Variants in SIL1 observed in about 807,000 individuals in gnomAD.
The protein encoded by SIL1 is nucleotide exchange factor SIL1.
A neutral mutation model predicts 49.1 loss-of-function variants in SIL1; 40 were observed. That is an observed-to-expected ratio of 0.81 (90% CI 0.63 to 1.06). SIL1 has a LOEUF of 1.06. Among genes scored for constraint, SIL1 ranks in the 50% least tolerant of loss-of-function variants. The pLI, the probability that SIL1 is intolerant of heterozygous loss-of-function variation, is 0.00. For missense variants in SIL1, 500 were observed against 572.6 expected, an observed-to-expected ratio of 0.87 and a Z score of 1.29; for synonymous variants, 253 against 250.8, an observed-to-expected ratio of 1.01 and a Z score of -0.08.
chr5:139,190,317 A>G (rs1193134335), intron 1 of SIL1, among the ~76,000 whole-genome samples: 2 of 152,238 alleles, frequency 1.3e-5, no homozygotes, highest in Non-Finnish European at 2.9e-5. Flanking sequence ...ACACGGAGGA[A>G]GGCTTCAAAT....
At chr5:139,019,660 G>A (rs1768473582) in intron 7 of SIL1, among the ~76,000 whole-genome samples, 2 of 152,270 alleles carry the variant, frequency 1.3e-5, no homozygotes, top group African/African-American at 2.4e-5. Flanking sequence ...CAGGCCCAAC[G>A]CATGTTTCTC....
intron 1 of SIL1, among the ~76,000 whole-genome samples, chr5:139,154,523 C>T (rs1189713083): frequency 3.3e-5 from 5 of 152,248 alleles, no homozygotes; most frequent in Non-Finnish European, 5.9e-5. Context: ...ATGCTGTGCA[C>T]GCTCTGTACA....
chr5:139,165,087 A>G (rs190359064), intron 1 of SIL1, among the ~76,000 whole-genome samples: 4 of 152,274 alleles, frequency 2.6e-5, no homozygotes, highest in African/African-American at 9.6e-5. Context: ...GAGATAATCA[A>G]CTAAGAGTCA....
chr5:139,169,861 C>CCCTCTTTTCACGGTCTCCCTCTG (rs1751704147), intron 1 of SIL1, among the ~76,000 whole-genome samples: 2 of 149,766 alleles, frequency 1.3e-5, no homozygotes, highest in Admixed American at 1.3e-4. Flanking sequence ...GTCTCCCTCT[C>CCCTCTTTTCACGGTCTCCCTCTG]CCTCTTTCCA....
chr5:139,109,439 C>A (rs1770794260), intron 3 of SIL1, among the ~76,000 whole-genome samples: 1 of 151,928 alleles, frequency 6.6e-6, no homozygotes, highest in Admixed American at 6.6e-5. Context: ...TGAATAATTT[C>A]CCCCTCTCAG....
At chr5:138,963,098 G>A (rs1361747331) in intron 7 of SIL1, among the ~76,000 whole-genome samples, 1 of 152,154 alleles carries the variant, frequency 6.6e-6, no homozygotes, top group Non-Finnish European at 1.5e-5. Flanking sequence ...TGTTATTTTA[G>A]GTCTTCTATA....
At chr5:139,122,177 C>A (rs1308490156) in intron 2 of SIL1, among the ~76,000 whole-genome samples, 1 of 152,144 alleles carries the variant, frequency 6.6e-6, no homozygotes, top group Admixed American at 6.5e-5. Context: ...TGGAATCTTC[C>A]TATGAGCCCA....
At chr5:139,042,485 A>C (rs1289946944) in intron 5 of SIL1, 135 bp downstream of exon 5, 2 of 816,904 alleles carry the variant, frequency 2.4e-6, no homozygotes, top group Non-Finnish European at 4.2e-6. Context: ...ATTTGTCATT[A>C]ATGTTCTTTA....
chr5:139,121,525 T>C (rs1026896767), intron 2 of SIL1, among the ~76,000 whole-genome samples: 22 of 152,230 alleles, frequency 1.4e-4, no homozygotes, highest in African/African-American at 5.3e-4. Flanking sequence ...CATGCTATTA[T>C]ACTGTTTGAT....
intron 7 of SIL1, among the ~76,000 whole-genome samples, chr5:139,005,203 TATC>T (rs1485696443): frequency 3.3e-5 from 5 of 151,946 alleles, no homozygotes; most frequent in African/African-American, 7.3e-5. Flanking sequence ...TATTTTGAAA[TATC>T]ATGTTTTACA....
chr5:139,010,029 G>A (rs1440728091), intron 7 of SIL1, among the ~76,000 whole-genome samples: 1 of 151,466 alleles, frequency 6.6e-6, no homozygotes, highest in South Asian at 2.1e-4. Context: ...GATTGGGGAA[G>A]TTCTCCTGGA....
At chr5:139,095,800 C>T (rs1379763479) in intron 3 of SIL1, among the ~76,000 whole-genome samples, 2 of 151,460 alleles carry the variant, frequency 1.3e-5, no homozygotes, top group Non-Finnish European at 2.9e-5. Context: ...TGCACTCCAG[C>T]TGGAGCAACA....
intron 1 of SIL1, among the ~76,000 whole-genome samples, chr5:139,160,004 T>C (rs1243881219): frequency 1.3e-5 from 2 of 152,102 alleles, no homozygotes; most frequent in Non-Finnish European, 2.9e-5. Flanking sequence ...GCCATTACCA[T>C]CCCTGAAGGT....
chr5:139,094,586 T>C (rs974156398), intron 3 of SIL1, among the ~76,000 whole-genome samples: 7 of 152,234 alleles, frequency 4.6e-5, no homozygotes, highest in Non-Finnish European at 8.8e-5. Context: ...TTGTTTTTGG[T>C]ATTATTTTGG....
chr5:139,089,756 T>A (rs1770302360), intron 3 of SIL1, among the ~76,000 whole-genome samples: 1 of 152,136 alleles, frequency 6.6e-6, no homozygotes. Context: ...AATGAGTAGA[T>A]CCATAAAGAC....
At chr5:139,187,869 G>A (rs1465499833) in intron 1 of SIL1, 2 of 152,188 alleles carry the variant, frequency 1.3e-5, no homozygotes, top group African/African-American at 4.8e-5. Context: ...AGTCATAGGG[G>A]CGGATTTCCC....
At chr5:139,046,612 A>G (rs1412500177) in intron 4 of SIL1, among the ~76,000 whole-genome samples, 1 of 152,180 alleles carries the variant, frequency 6.6e-6, no homozygotes, top group Non-Finnish European at 1.5e-5. Context: ...CTTTACATAA[A>G]GAGTTAATTA....
intron 1 of SIL1, among the ~76,000 whole-genome samples, chr5:139,187,284 C>G (rs1323872087): frequency 6.6e-6 from 1 of 152,060 alleles, no homozygotes; most frequent in Non-Finnish European, 1.5e-5. Flanking sequence ...TTTGGGATGC[C>G]GAGGCGGGTG....
Position 138,947,267 on chromosome 5 carries a change from G to A in SIL1, c.1236C>T (p.Tyr412=). ...TCCTGCCGAGCTGGGGGTCCTGACG[G>A]TAGCGGTCCCGGCAGGTGGTCAGGA... is the stretch of plus-strand genomic sequence containing the variant. ...GVLLTTCRDR[Y]RQDPQLGRTL... is the part of the protein sequence containing the mutation. The change falls in exon 10 of 10, where the codon TAC becomes TAT. Residue 412 remains tyrosine, a synonymous_variant. Transcript: ENST00000394817. This position sits in a 1 kb window ranked among gnomAD's most constrained non-coding sequence, Gnocchi z 4.1. 1.2e-6 allele frequency: 2 copies of A among 1,613,604 alleles called. No homozygotes were observed. The highest frequency in any genetic ancestry group is 1.7e-6 in the Non-Finnish European group (2 of 1,180,028).
Sources: gnomAD v4.1 joint callset for allele counts (sites outside exome capture counted in the v4.1 genomes callset) on GRCh38, gnomAD v4.1.1 for gene constraint, Gnocchi (gnomAD v3.1) non-coding constraint, MANE v1.5 for transcripts, NCBI Gene and HGNC (gene_info 2026-07-23, HGNC 2026-07-21) for gene names.